Variants in CLMP observed in about 807,000 individuals in gnomAD.
CLMP encodes CXADR like cell adhesion molecule.
A neutral mutation model predicts 45.2 loss-of-function variants in CLMP; 27 were observed. That is an observed-to-expected ratio of 0.60 (90% CI 0.44 to 0.82). The LOEUF (loss-of-function observed/expected upper bound fraction) is 0.82, where lower values mean the gene tolerates loss of function less well. Ranked by LOEUF, CLMP falls within the 40% of genes least tolerant of loss-of-function variation. The pLI, the probability that CLMP is intolerant of heterozygous loss-of-function variation, is 0.00. For missense variants in CLMP, 403 were observed against 448.4 expected (o/e 0.90, Z 0.91); for synonymous variants, 167 against 171.4 (o/e 0.97, Z 0.20).
intron 1 of CLMP, among the ~76,000 whole-genome samples, chr11:123,184,658 A>G (rs1023795042): frequency 6.6e-6 from 1 of 152,260 alleles, no homozygotes; most frequent in Non-Finnish European, 1.5e-5. Flanking sequence ...AGAAGGAGTC[A>G]GTCAACATTG....
In CLMP at chr11:123,145,471, T is replaced by G. The variant is rs1175869170; in HGVS notation, c.29-47519A>C. Among the ~76,000 whole-genome samples the G allele has an allele frequency of 2.2e-3, 182 of 83,272 alleles. 1 individual carries two copies. Among genetic ancestry groups the G allele is most frequent in the African/African-American group, 0.01 (168 of 16,102 alleles). 54.6% of individuals were successfully genotyped at this position (83,272 alleles called of 152,430 possible). A position where few individuals can be genotyped will look rare whatever the true frequency, so the allele number is the denominator to read the frequency against. ...GCGGCTGTTTTTTTTTTTTTTTTTT[T>G]TTTTTTTTGAGACGGGAGTCTTGCC... On this transcript the variant is annotated intron_variant, in intron 1 of 6. Transcript: ENST00000448775.
chr11:123,145,827 G>T (rs1591476805), intron 1 of CLMP, among the ~76,000 whole-genome samples: 1 of 152,140 alleles, frequency 6.6e-6, no homozygotes. Context: ...GAATAGTCCC[G>T]CACTTCCCTG....
At chr11:123,106,424 T>TGTGC (rs1207028812) in intron 1 of CLMP, among the ~76,000 whole-genome samples, 247 of 90,830 alleles carry the variant, frequency 2.7e-3, no homozygotes, top group African/African-American at 6.4e-3. Flanking sequence ...TGTGTGTGTG[T>TGTGC]GCGCGCGCGC....
chr11:123,192,002 A>G (rs988774755), intron 1 of CLMP, among the ~76,000 whole-genome samples: 2 of 152,234 alleles, frequency 1.3e-5, no homozygotes, highest in African/African-American at 2.4e-5. Context: ...GAAACCATGG[A>G]CAGGTGTATG....
At chr11:123,077,248 C>A (rs185594697) in intron 5 of CLMP, among the ~76,000 whole-genome samples, 1 of 152,046 alleles carries the variant, frequency 6.6e-6, no homozygotes, top group Non-Finnish European at 1.5e-5. Context: ...ATCTACCCCC[C>A]GCCTTGGCCT....
At chr11:123,086,747 G>A (rs914356975) in intron 2 of CLMP, among the ~76,000 whole-genome samples, 2 of 152,290 alleles carry the variant, frequency 1.3e-5, no homozygotes, top group Admixed American at 6.5e-5. Flanking sequence ...ATGCGTGGTG[G>A]TTCACGCCTG....
chr11:123,142,696 G>A (rs937712270), intron 1 of CLMP, among the ~76,000 whole-genome samples: 4 of 129,940 alleles, frequency 3.1e-5, no homozygotes, highest in South Asian at 2.7e-4. Context: ...GCGCAATCTC[G>A]GCTCACTGCA....
Position 123,143,727 on chromosome 11 carries a change from C to T in CLMP, c.29-45775G>A, listed in dbSNP as rs950200481. On this transcript the variant is annotated intron_variant, in intron 1 of 6. Coordinates refer to ENST00000448775, the MANE Select transcript of CLMP (RefSeq NM_024769.5). ...ACAGCTTCAACAACTTGCATTTCAA[C>T]GACTTGCATGTCCATGACAAGCCCC... is the stretch of plus-strand genomic sequence containing the variant. Among the ~76,000 whole-genome samples the T allele has an allele frequency of 3.9e-5, 6 of 152,210 alleles. No homozygotes were observed. In the East Asian group the frequency reaches 7.7e-4, roughly 20 times the overall value.
At chr11:123,082,135 G>A (rs1317920701) in intron 5 of CLMP, among the ~76,000 whole-genome samples, 6 of 152,236 alleles carry the variant, frequency 3.9e-5, no homozygotes, top group African/African-American at 1.4e-4. Flanking sequence ...ACACTCTGTG[G>A]AGGGGAGAAA....
rs192570392 is a variant in CLMP, at chr11:123,154,738, A to G, written c.28+40175T>C. 2.7e-3 allele frequency among the ~76,000 whole-genome samples: 414 copies of G among 152,300 alleles called. 3 individuals are homozygous for G. The highest frequency in any genetic ancestry group is 5.0e-3 in the Non-Finnish European group (341 of 68,020). On this transcript the variant is annotated intron_variant, in intron 1 of 6. Transcript: ENST00000448775. The stretch of plus-strand genomic sequence containing the variant: ...CCTCATTTTTCTGGGTCCCTAAAAT[A>G]ATAACTGCTTTACTTTCCACTGAAA...
intron 2 of CLMP, among the ~76,000 whole-genome samples, chr11:123,088,759 G>A (rs554740984): frequency 6.6e-6 from 1 of 152,186 alleles, no homozygotes; most frequent in East Asian, 1.9e-4. Flanking sequence ...TCAAGTAGCC[G>A]GGATTACAGG....
chr11:123,075,765 T>C (rs761970225), intron 5 of CLMP, among the ~76,000 whole-genome samples: 13 of 152,166 alleles, frequency 8.5e-5, no homozygotes, highest in Non-Finnish European at 1.5e-4. Flanking sequence ...ATAGCATGTC[T>C]GAAGATTTGT....
At chr11:123,152,566 A>ATAAAAAAT (rs1555084855) in intron 1 of CLMP, among the ~76,000 whole-genome samples, 1 of 143,918 alleles carries the variant, frequency 6.9e-6, no homozygotes, top group Non-Finnish European at 1.5e-5. Context: ...AAATAAATAA[A>ATAAAAAAT]AAATAAATAA....
intron 1 of CLMP, among the ~76,000 whole-genome samples, chr11:123,183,470 AT>A (rs1394555744): frequency 6.6e-6 from 1 of 151,960 alleles, no homozygotes; most frequent in Non-Finnish European, 1.5e-5. Flanking sequence ...ACCTCAAGTG[AT>A]TCACCTACCT....
At chr11:123,177,435 A>G (rs993250663) in intron 1 of CLMP, among the ~76,000 whole-genome samples, 2 of 152,170 alleles carry the variant, frequency 1.3e-5, no homozygotes, top group Admixed American at 6.6e-5. Context: ...GAGGACCAAC[A>G]CGTTTGGGTT....
intron 4 of CLMP, 103 bp from the exon 5 acceptor site, chr11:123,083,310 G>C: frequency 1.8e-6 from 2 of 1,132,538 alleles, no homozygotes; most frequent in Non-Finnish European, 2.5e-6. Context: ...AATGCTATTT[G>C]ATAAGAATGA....
chr11:123,129,929 C>G (rs1318627346), intron 1 of CLMP, among the ~76,000 whole-genome samples: 1 of 132,678 alleles, frequency 7.5e-6, no homozygotes, highest in East Asian at 2.1e-4. Flanking sequence ...TTTTTTTTTT[C>G]CTGGAGGCTC....
chr11:123,185,127 G>A (rs776221780), intron 1 of CLMP, among the ~76,000 whole-genome samples: 4 of 152,162 alleles, frequency 2.6e-5, no homozygotes, highest in Non-Finnish European at 5.9e-5. Flanking sequence ...AGGTAACAGC[G>A]TGGAGGTCTT....
chr11:123,083,658 G>A (rs1865829616), intron 4 of CLMP, 22 bp downstream of exon 4: 1 of 1,612,842 alleles, frequency 6.2e-7, no homozygotes, highest in Non-Finnish European at 8.5e-7. Context: ...TGGCTCAATA[G>A]ATTGGTAGGA....
Sources: allele counts gnomAD v4.1 joint callset (sites outside exome capture counted in the v4.1 genomes callset), GRCh38; gene constraint gnomAD v4.1.1; transcripts MANE v1.5; gene names NCBI Gene and HGNC (gene_info 2026-07-23, HGNC 2026-07-21).